CD38: variants seen among roughly 807,000 people sequenced by gnomAD.
The protein encoded by CD38 is ADP-ribosyl cyclase/cyclic ADP-ribose hydrolase 1.
CD38 carries 31 observed loss-of-function variants against 36.3 expected under a neutral mutation model. The observed-to-expected ratio is 0.85, with a 90% CI of 0.64 to 1.15. CD38 has a LOEUF of 1.15. Ranked by LOEUF, CD38 falls within the 50% of genes most tolerant of loss-of-function variation. The pLI is 0.00. For synonymous variants in CD38, 131 were observed against 135.2 expected (o/e 0.97, Z 0.22); for missense variants, 380 against 371.9 (o/e 1.02, Z -0.18).
chr4:15,792,867 T>C lies in CD38; in HGVS notation c.233+14220T>C, dbSNP rs536585350. 8.5e-5 allele frequency among the ~76,000 whole-genome samples: 13 copies of C among 152,362 alleles called. No homozygotes were observed. The East Asian group carries it at 2.3e-3, about 27-fold the overall frequency. On this transcript the variant is annotated intron_variant, in intron 1 of 7. Coordinates refer to ENST00000226279, the MANE Select transcript of CD38 (RefSeq NM_001775.4). ...TTTTCTTTAAAATGTAGTTTTATAA[T>C]TGATTTGTTCTAATCAAGATTTGCA...
chr4:15,802,158 T>A (rs1723239266), intron 1 of CD38, among the ~76,000 whole-genome samples: 1 of 152,042 alleles, frequency 6.6e-6, no homozygotes, highest in South Asian at 2.1e-4. Flanking sequence ...AATAATAAAC[T>A]ATCTGTAAAA....
Position 15,816,582 on chromosome 4 carries a change from C to G in CD38, c.305C>G (p.Thr102Ser), listed in dbSNP as rs1294700958. 2 of 1,613,714 alleles carry G rather than the reference C, an allele frequency of 1.2e-6. No individual in the cohort carries two copies. The highest frequency in any genetic ancestry group is 2.7e-5 in the African/African-American group (2 of 74,918). Residue 102 changes from threonine (T) to serine (S), a missense_variant, in exon 2 of 8, where the codon ACT becomes AGT. Coordinates refer to ENST00000226279, the MANE Select transcript of CD38 (RefSeq NM_001775.4). Reference protein sequence around the residue: ...AFISKHPCNITEEDYQPLMKL... With the variant: ...AFISKHPCNISEEDYQPLMKL... ...ATTTCAAAACATCCTTGCAACATTA[C>G]TGAAGAAGACTATCAGCCACTAATG...
chr4:15,800,311 G>T (rs73131158), intron 1 of CD38, among the ~76,000 whole-genome samples: 2,876 of 152,056 alleles, frequency 0.019, 87 homozygotes, highest in African/African-American at 0.066. Context: ...TCTCTTGAGT[G>T]AACACCCAGA....
intron 3 of CD38, among the ~76,000 whole-genome samples, chr4:15,834,000 T>C (rs1724011756): frequency 6.6e-6 from 1 of 152,204 alleles, no homozygotes; most frequent in Admixed American, 6.5e-5. Context: ...AACTTGCCAC[T>C]GTGTTCCCAT....
At chr4:15,816,285 A>G (rs1036792897) in intron 1 of CD38, among the ~76,000 whole-genome samples, 1 of 152,148 alleles carries the variant, frequency 6.6e-6, no homozygotes, top group Non-Finnish European at 1.5e-5. Flanking sequence ...TCATAAAATG[A>G]CTTATGGAGG....
chr4:15,794,643 A>T (rs1401973013), intron 1 of CD38, among the ~76,000 whole-genome samples: 1 of 152,186 alleles, frequency 6.6e-6, no homozygotes, highest in Non-Finnish European at 1.5e-5. Flanking sequence ...CAAGAAAAAA[A>T]CAGAAGAGAG....
chr4:15,778,766 C>T lies in CD38; in HGVS notation c.233+119C>T. ...CTTCCGTGGCGGGTCAGCCGAGAGC[C>T]CGCCGGGTGGTGCTGAGTAGGGAGT... On this transcript the variant is annotated intron_variant, in intron 1 of 7. Coordinates refer to ENST00000226279, the MANE Select transcript of CD38 (RefSeq NM_001775.4). The surrounding 1 kb of genome is among the most constrained non-coding windows in gnomAD (Gnocchi z 4.9). The T allele has an allele frequency of 1.4e-6, 1 of 717,708 alleles. No homozygotes were observed. Among genetic ancestry groups the T allele is most frequent in the Non-Finnish European group, 2.3e-6 (1 of 434,938 alleles). 44.5% of individuals were successfully genotyped at this position (717,708 alleles called of 1,614,324 possible).
At chr4:15,798,508 G>A (rs928986665) in intron 1 of CD38, among the ~76,000 whole-genome samples, 4 of 152,138 alleles carry the variant, frequency 2.6e-5, no homozygotes, top group Admixed American at 1.3e-4. Flanking sequence ...TGGGCCACAC[G>A]GTTACCCAAA....
At chr4:15,818,230 G>A (rs183523887) in intron 2 of CD38, among the ~76,000 whole-genome samples, 2 of 152,152 alleles carry the variant, frequency 1.3e-5, no homozygotes, top group Non-Finnish European at 2.9e-5. Flanking sequence ...TGCTAAGGGG[G>A]CTGGGAAGTC....
At chr4:15,812,305 A>G (rs982138295) in intron 1 of CD38, among the ~76,000 whole-genome samples, 1 of 152,148 alleles carries the variant, frequency 6.6e-6, no homozygotes, top group African/African-American at 2.4e-5. Flanking sequence ...ATGAATTTTA[A>G]GTTAAACTGT....
At position 15,847,595 on chromosome 4, in the gene CD38, C is replaced by CAAAAAAAAAA. The variant is rs71179666; in HGVS notation, c.840-925_840-916dup. Among the ~76,000 whole-genome samples, 36 of 38,170 alleles carry CAAAAAAAAAA rather than the reference C, an allele frequency of 9.4e-4. 7 individuals are homozygous for CAAAAAAAAAA. The highest frequency in any genetic ancestry group is 5.8e-3 in the East Asian group (3 of 514). 25.0% of individuals were successfully genotyped at this position (38,170 alleles called of 152,430 possible). On this transcript the variant is annotated intron_variant, in intron 7 of 7. Coordinates refer to ENST00000226279, the MANE Select transcript of CD38 (RefSeq NM_001775.4). The stretch of plus-strand genomic sequence containing the variant: ...AAAAATAAAAAACAACTCTCAGAAG[C>CAAAAAAAAAA]AAAAAAAAAAAAAAAAAAAAAAAAA...
intron 3 of CD38, among the ~76,000 whole-genome samples, chr4:15,829,939 T>C (rs1358481859): frequency 3.3e-5 from 5 of 152,212 alleles, no homozygotes; most frequent in Non-Finnish European, 7.4e-5. Context: ...TTTTTGTGGC[T>C]GAATAGTACT....
chr4:15,784,027 G>A lies in CD38; in HGVS notation c.233+5380G>A, dbSNP rs531983824. Among the ~76,000 whole-genome samples the A allele has an allele frequency of 3.3e-4, 50 of 152,298 alleles. 1 individual carries two copies. The South Asian group carries it at 8.9e-3, about 27-fold the overall frequency. ...CATTGATCTCCAGGATCCTGCAGTG[G>A]GAGGTATGCGGAGGACCAACCTGGG... On this transcript the variant is annotated intron_variant, in intron 1 of 7. Coordinates refer to ENST00000226279, the MANE Select transcript of CD38 (RefSeq NM_001775.4).
intron 1 of CD38, among the ~76,000 whole-genome samples, chr4:15,801,353 T>G (rs992307294): frequency 2.0e-5 from 3 of 151,872 alleles, no homozygotes; most frequent in African/African-American, 7.3e-5. Context: ...TACTGCTGGA[T>G]TCTACCAAAC....
intron 1 of CD38, among the ~76,000 whole-genome samples, chr4:15,779,559 A>T (rs1722645216): frequency 6.6e-6 from 1 of 152,192 alleles, no homozygotes; most frequent in Admixed American, 6.5e-5. Context: ...AAAATCCCGC[A>T]TTTAAGCAAT....
chr4:15,797,956 TG>T (rs1050622554), intron 1 of CD38, among the ~76,000 whole-genome samples: 5 of 152,098 alleles, frequency 3.3e-5, no homozygotes, highest in Admixed American at 2.6e-4. Flanking sequence ...CAACATCGTT[TG>T]GGGGGGTAAA....
chr4:15,833,912 C>T (rs188213195), intron 3 of CD38, among the ~76,000 whole-genome samples: 1,108 of 152,302 alleles, frequency 7.3e-3, no homozygotes, highest in Non-Finnish European at 0.012. Flanking sequence ...TCTAATTCTT[C>T]CTGGACTGGG....
chr4:15,796,772 T>G (rs1222584861), intron 1 of CD38, among the ~76,000 whole-genome samples: 1 of 152,174 alleles, frequency 6.6e-6, no homozygotes, highest in African/African-American at 2.4e-5. Flanking sequence ...CGTGTCTTAG[T>G]TTTTTTCATT....
chr4:15,804,568 T>G (rs1307003415), intron 1 of CD38, among the ~76,000 whole-genome samples: 1 of 152,110 alleles, frequency 6.6e-6, no homozygotes, highest in Non-Finnish European at 1.5e-5. Flanking sequence ...GTGGGATATA[T>G]AGACAATGGA....
Sources: gnomAD v4.1 joint callset for allele counts (sites outside exome capture counted in the v4.1 genomes callset) on GRCh38, gnomAD v4.1.1 for gene constraint, Gnocchi (gnomAD v3.1) non-coding constraint, MANE v1.5 for transcripts, NCBI Gene and HGNC (gene_info 2026-07-23, HGNC 2026-07-21) for gene names.